TBC1D30: variants seen among roughly 807,000 people sequenced by gnomAD.
The protein encoded by TBC1D30 is TBC1 domain family, member 30.
A neutral mutation model predicts 63.2 loss-of-function variants in TBC1D30; 31 were observed. The ratio of observed to expected loss-of-function variants is 0.49; its 90% CI spans 0.37 to 0.66. The LOEUF is 0.66. TBC1D30 is among the 30% of genes least tolerant of loss of function. The pLI, the probability that TBC1D30 is intolerant of heterozygous loss-of-function variation, is 0.00. For missense variants in TBC1D30, 810 were observed against 953.6 expected (o/e 0.85, Z 1.98); for synonymous variants, 307 against 361.5 (o/e 0.85, Z 1.71).
chr12:64,824,899 C>T lies in TBC1D30; in HGVS notation c.20C>T (p.Thr7Ile), dbSNP rs1235291161. The change falls in exon 1 of 12, where the codon ACC becomes ATC. Residue 7 changes from threonine to isoleucine, a missense_variant. Thr to Ile is a moderately conservative substitution (Grantham distance 89). Coordinates refer to ENST00000539867, the MANE Select transcript of TBC1D30 (RefSeq NM_015279.2). Reference sequence around the variant, plus strand: ...TCTCGGATGCGGCAGGACAAGCTGACCGGGTCTCTGAGGCGCGGGGGGAGA... The same window carrying T: ...TCTCGGATGCGGCAGGACAAGCTGATCGGGTCTCTGAGGCGCGGGGGGAGA... The part of the protein sequence containing the change: MRQDKL[T>I]GSLRRGGRCL... The T allele has an allele frequency of 5.2e-6, 8 of 1,533,894 alleles. No individual in the cohort carries two copies. The East Asian group carries it at 2.0e-4, about 38-fold the overall frequency.
chr12:64,774,632 A>G (rs1022826614), intron 1 of TBC1D30, among the ~76,000 whole-genome samples: 14 of 152,212 alleles, frequency 9.2e-5, no homozygotes, highest in Non-Finnish European at 2.9e-5. Flanking sequence ...ATTGGGGGCC[A>G]ACACTCAGAA....
At chr12:64,761,204 A>G (rs1235045911) in intron 1 of TBC1D30, among the ~76,000 whole-genome samples, 1 of 152,226 alleles carries the variant, frequency 6.6e-6, no homozygotes, top group Non-Finnish European at 1.5e-5. Context: ...TTCTTGCACA[A>G]AAAAATAACC....
intron 1 of TBC1D30, among the ~76,000 whole-genome samples, chr12:64,771,180 C>A (rs1870893219): frequency 6.6e-6 from 1 of 151,736 alleles, no homozygotes. Flanking sequence ...CTGCTTGGGC[C>A]ATATACTCCA....
At chr12:64,780,519 C>G (rs1395270605) in exon 1 of TBC1D30, among the ~76,000 whole-genome samples, 2 of 152,256 alleles carry the variant, frequency 1.3e-5, no homozygotes, top group Non-Finnish European at 2.9e-5. Context: ...CCACGTCCTG[C>G]GCCTTCTCGC....
rs758207286 is a variant in TBC1D30, at chr12:64,789,182, TTC to T, written c.643+3139_643+3140del. Among the ~76,000 whole-genome samples the T allele has an allele frequency of 2.7e-3, 222 of 81,468 alleles. 3 individuals carry two copies. The highest frequency in any genetic ancestry group is 8.1e-3 in the African/African-American group (201 of 24,920). 53.4% of individuals were successfully genotyped at this position (81,468 alleles called of 152,430 possible). ...TTCCCCTTCTTCTTCCTTCTTCTTC[TTC>T]TTTTTTTTTTTTTTTGGAGACAGAG... On this transcript the variant is annotated intron_variant, in intron 2 of 12. Coordinates refer to the TBC1D30 transcript ENST00000542120.
At chr12:64,858,342 C>T (rs1312972059) in intron 8 of TBC1D30, among the ~76,000 whole-genome samples, 1 of 152,222 alleles carries the variant, frequency 6.6e-6, no homozygotes, top group African/African-American at 2.4e-5. Flanking sequence ...TGCTCTAATA[C>T]AGAATGAGTC....
chr12:64,856,836 A>G (rs1304638795), intron 8 of TBC1D30, among the ~76,000 whole-genome samples: 1 of 152,158 alleles, frequency 6.6e-6, no homozygotes, highest in African/African-American at 2.4e-5. Flanking sequence ...TTCCCTCCCC[A>G]TACCACAGGC....
At chr12:64,854,009 T>C (rs935635303) in intron 8 of TBC1D30, among the ~76,000 whole-genome samples, 4 of 152,358 alleles carry the variant, frequency 2.6e-5, no homozygotes, top group East Asian at 1.9e-4. Context: ...AAACGGATCA[T>C]TGGGTCCTAT....
At chr12:64,838,382 T>C (rs1205351148) in intron 6 of TBC1D30, among the ~76,000 whole-genome samples, 1 of 152,208 alleles carries the variant, frequency 6.6e-6, no homozygotes, top group Admixed American at 6.5e-5. Flanking sequence ...TTTTCTTCTG[T>C]TTTTGGTGAG....
At chr12:64,786,713 G>T (rs1285243335) in intron 2 of TBC1D30, among the ~76,000 whole-genome samples, 1 of 152,040 alleles carries the variant, frequency 6.6e-6, no homozygotes, top group Non-Finnish European at 1.5e-5. Flanking sequence ...CACTTTTGGA[G>T]GCCGAGGCTG....
At chr12:64,797,275 C>A (rs1872335923) in intron 2 of TBC1D30, among the ~76,000 whole-genome samples, 1 of 152,168 alleles carries the variant, frequency 6.6e-6, no homozygotes. Context: ...TGAAGACAAG[C>A]TCCTTTGAAT....
exon 1 of TBC1D30, chr12:64,780,899 C>G (rs1223162698): frequency 9.7e-7 from 1 of 1,031,448 alleles, no homozygotes; most frequent in Non-Finnish European, 1.2e-6. Flanking sequence ...GCTGGAGAGT[C>G]AGGAGGAAGA....
intron 8 of TBC1D30, among the ~76,000 whole-genome samples, chr12:64,861,984 C>A (rs924132383): frequency 1.2e-4 from 19 of 152,152 alleles, no homozygotes; most frequent in African/African-American, 4.6e-4. Flanking sequence ...GTCTGTCCTG[C>A]AAAACTGTGT....
At chr12:64,817,102 T>C (rs1873587937) in intron 2 of TBC1D30, among the ~76,000 whole-genome samples, 1 of 152,136 alleles carries the variant, frequency 6.6e-6, no homozygotes, top group African/African-American at 2.4e-5. Context: ...TTCTACCAAG[T>C]GAGTGAGGGC....
At chr12:64,842,219 TGTG>T (rs1436740482) in intron 7 of TBC1D30, among the ~76,000 whole-genome samples, 2 of 151,756 alleles carry the variant, frequency 1.3e-5, no homozygotes, top group Non-Finnish European at 2.9e-5. Flanking sequence ...ACCAGCAGGG[TGTG>T]GTGGTGGGTG....
chr12:64,837,562 A>G (rs1275844012), intron 6 of TBC1D30, among the ~76,000 whole-genome samples: 1 of 152,040 alleles, frequency 6.6e-6, no homozygotes, highest in Non-Finnish European at 1.5e-5. Context: ...TGCTGATCTG[A>G]TAGGAGGCAG....
intron 1 of TBC1D30, chr12:64,785,851 A>G (rs935967339): frequency 7.8e-7 from 1 of 1,279,148 alleles, no homozygotes; most frequent in African/African-American, 1.5e-5. Flanking sequence ...CAAGGTATTA[A>G]TCGTTATTCT....
At chr12:64,766,668 A>T (rs974581627) in intron 1 of TBC1D30, among the ~76,000 whole-genome samples, 6 of 152,222 alleles carry the variant, frequency 3.9e-5, no homozygotes, top group African/African-American at 1.4e-4. Context: ...GACATAGAAG[A>T]CTTGAATAAC....
chr12:64,839,293 C>T (rs1409736461), intron 7 of TBC1D30, among the ~76,000 whole-genome samples: 1 of 152,208 alleles, frequency 6.6e-6, no homozygotes, highest in Non-Finnish European at 1.5e-5. Context: ...GATATCTAGC[C>T]TGGTAGAACA....
Sources: allele counts gnomAD v4.1 joint callset (sites outside exome capture counted in the v4.1 genomes callset), GRCh38; gene constraint gnomAD v4.1.1; transcripts MANE v1.5; gene names NCBI Gene and HGNC (gene_info 2026-07-23, HGNC 2026-07-21).